Variants in SGCZ observed in about 807,000 individuals in gnomAD.
The protein encoded by SGCZ is zeta-sarcoglycan.
A neutral mutation model predicts 41.3 loss-of-function variants in SGCZ; 40 were observed. The ratio of observed to expected loss-of-function variants is 0.97; its 90% CI spans 0.75 to 1.26. SGCZ has a LOEUF of 1.26. SGCZ is among the 50% of genes most tolerant of loss of function. The pLI, the probability that SGCZ is intolerant of heterozygous loss-of-function variation, is 0.00. For missense variants in SGCZ, 552 were observed against 369.8 expected (o/e 1.49, Z -4.04); for synonymous variants, 206 against 137.5 (o/e 1.50, Z -3.49).
chr8:14,353,076 T>G (rs1236699034), intron 2 of SGCZ, among the ~76,000 whole-genome samples: 2 of 98,902 alleles, frequency 2.0e-5, no homozygotes, highest in Non-Finnish European at 5.9e-5. Flanking sequence ...GCACGTTGCA[T>G]GAGTTTGAAA....
At chr8:14,225,016 C>T (rs1366439455) in intron 4 of SGCZ, among the ~76,000 whole-genome samples, 2 of 152,054 alleles carry the variant, frequency 1.3e-5, no homozygotes, top group African/African-American at 2.4e-5. Context: ...ATCAGCTTTG[C>T]CACATATCTT....
chr8:14,499,299 C>T (rs1468139782), intron 2 of SGCZ, among the ~76,000 whole-genome samples: 1 of 151,840 alleles, frequency 6.6e-6, no homozygotes, highest in African/African-American at 2.4e-5. Flanking sequence ...ACATATTGTT[C>T]CTTGTACATG....
At chr8:14,802,304 G>C (rs1276378140) in intron 1 of SGCZ, among the ~76,000 whole-genome samples, 4 of 152,182 alleles carry the variant, frequency 2.6e-5, no homozygotes, top group Non-Finnish European at 4.4e-5. Flanking sequence ...AAGCTGCCAT[G>C]CCTAGGATAT....
At chr8:15,005,321 TCTTTTTC>T (rs879910832) in intron 1 of SGCZ, among the ~76,000 whole-genome samples, 12,981 of 53,564 alleles carry the variant, frequency 0.24, 790 homozygotes, top group South Asian at 0.34. Context: ...CCCGTTTTTT[TCTTTTTC>T]TTTTTTTTTT....
At chr8:14,463,282 G>C in intron 2 of SGCZ, among the ~76,000 whole-genome samples, 1 of 151,250 alleles carries the variant, frequency 6.6e-6, no homozygotes, top group Non-Finnish European at 1.5e-5. Flanking sequence ...AACAAACTGG[G>C]AGGGCTCACA....
chr8:14,911,691 A>C, intron 1 of SGCZ, among the ~76,000 whole-genome samples: 1 of 152,012 alleles, frequency 6.6e-6, no homozygotes, highest in East Asian at 1.9e-4. Context: ...CTTGAAATGT[A>C]CACACCTAGG....
At chr8:15,114,369 G>A (rs1240711157) in intron 1 of SGCZ, among the ~76,000 whole-genome samples, 1 of 152,032 alleles carries the variant, frequency 6.6e-6, no homozygotes, top group Non-Finnish European at 1.5e-5. Context: ...GTATTAGATG[G>A]TCTCAGCTTT....
chr8:14,329,996 T>G (rs754168482), intron 2 of SGCZ, among the ~76,000 whole-genome samples: 2 of 152,174 alleles, frequency 1.3e-5, no homozygotes, highest in African/African-American at 2.4e-5. Flanking sequence ...GAGATAATCT[T>G]CACTGCCATT....
intron 4 of SGCZ, among the ~76,000 whole-genome samples, chr8:14,176,848 AT>A: frequency 6.6e-6 from 1 of 152,322 alleles, no homozygotes; most frequent in Middle Eastern, 3.4e-3. Flanking sequence ...CTGAAAAGCA[AT>A]TTGGAGACAG....
chr8:14,284,271 T>C (rs1236575709), intron 3 of SGCZ, among the ~76,000 whole-genome samples: 3 of 152,148 alleles, frequency 2.0e-5, no homozygotes, highest in Non-Finnish European at 4.4e-5. Context: ...ACACAGCTTT[T>C]GATCTCAGAT....
chr8:14,987,762 A>T (rs73665350), intron 1 of SGCZ, among the ~76,000 whole-genome samples: 7,441 of 152,084 alleles, frequency 0.049, 554 homozygotes, highest in African/African-American at 0.17. Flanking sequence ...TTGAAGTTGT[A>T]TTGCTTCATA....
chr8:14,529,401 C>A (rs1001440323), intron 2 of SGCZ, among the ~76,000 whole-genome samples: 1 of 152,146 alleles, frequency 6.6e-6, no homozygotes, highest in Non-Finnish European at 1.5e-5. Flanking sequence ...GGCTGGCATG[C>A]GTGATCAGCA....
intron 2 of SGCZ, among the ~76,000 whole-genome samples, chr8:14,380,873 A>AC (rs1394446607): frequency 2.3e-4 from 35 of 152,124 alleles, no homozygotes; most frequent in African/African-American, 8.2e-4. Context: ...AAACAAACAA[A>AC]AAAAAAAATT....
intron 1 of SGCZ, among the ~76,000 whole-genome samples, chr8:15,067,596 C>T (rs1026756314): frequency 3.3e-5 from 5 of 151,808 alleles, no homozygotes; most frequent in South Asian, 2.1e-4. Flanking sequence ...GCCAAATCAT[C>T]TTTTAAAACT....
At chr8:14,765,984 TAA>T (rs1800023355) in intron 1 of SGCZ, among the ~76,000 whole-genome samples, 4 of 146,170 alleles carry the variant, frequency 2.7e-5, no homozygotes, top group Non-Finnish European at 6.0e-5. Flanking sequence ...TTTTTTTTTT[TAA>T]CAGAGGCTGA....
chr8:14,862,257 G>C (rs1296058903), intron 1 of SGCZ, among the ~76,000 whole-genome samples: 2 of 151,818 alleles, frequency 1.3e-5, no homozygotes, highest in Non-Finnish European at 1.5e-5. Flanking sequence ...GTCATTTAGT[G>C]ATTACCTACT....
intron 1 of SGCZ, among the ~76,000 whole-genome samples, chr8:15,129,854 G>A (rs1306276528): frequency 1.3e-5 from 2 of 151,818 alleles, no homozygotes; most frequent in African/African-American, 4.8e-5. Context: ...TCTGCTCCAC[G>A]TCCTCTGTGT....
At chr8:14,196,086 C>T (rs960870254) in intron 4 of SGCZ, among the ~76,000 whole-genome samples, 6 of 151,888 alleles carry the variant, frequency 4.0e-5, no homozygotes, top group Non-Finnish European at 8.8e-5. Flanking sequence ...ATCCAAAATT[C>T]AGGAGAGGAG....
intron 1 of SGCZ, among the ~76,000 whole-genome samples, chr8:15,073,204 G>A (rs761275836): frequency 6.6e-6 from 1 of 152,128 alleles, no homozygotes; most frequent in African/African-American, 2.4e-5. Flanking sequence ...TTTTGGTGCT[G>A]TTATTTTTCA....
Sources: allele counts gnomAD v4.1 joint callset (sites outside exome capture counted in the v4.1 genomes callset), GRCh38; gene constraint gnomAD v4.1.1; transcripts MANE v1.5; gene names NCBI Gene and HGNC (gene_info 2026-07-23, HGNC 2026-07-21).